Variants in CMIP observed in about 807,000 individuals in gnomAD.
CMIP encodes c-Maf inducing protein.
In CMIP, 13 loss-of-function variants were observed where a neutral mutation model predicts 97.3. The observed-to-expected ratio is 0.13, with a 90% CI of 0.09 to 0.21. CMIP has a LOEUF of 0.21. Among genes scored for constraint, CMIP ranks in the 10% least tolerant of loss-of-function variants. The probability of loss-of-function intolerance (pLI) is 1.00; values close to 1 mark genes in which losing one functional copy is unlikely to be tolerated. For synonymous variants in CMIP, 538 were observed against 436.3 expected (o/e 1.23, Z -2.91); for missense variants, 847 against 1,024.9 (o/e 0.83, Z 2.37).
At chr16:81,477,699 C>T (rs1908012554) in intron 1 of CMIP, among the ~76,000 whole-genome samples, 1 of 152,202 alleles carries the variant, frequency 6.6e-6, no homozygotes, top group African/African-American at 2.4e-5. Context: ...AATCTAGGGT[C>T]TAAGTCGTGT....
intron 1 of CMIP, among the ~76,000 whole-genome samples, chr16:81,500,077 T>C (rs2089568957): frequency 6.6e-6 from 1 of 152,102 alleles, no homozygotes; most frequent in African/African-American, 2.4e-5. Flanking sequence ...CAGCCACTCC[T>C]TGGTCTCTGC....
chr16:81,607,821 C>T, intron 2 of CMIP, 129 bp downstream of exon 2: 2 of 1,024,700 alleles, frequency 2.0e-6, no homozygotes, highest in Non-Finnish European at 1.4e-6. Flanking sequence ...TGATTTTATT[C>T]CCCAAGTATA....
intron 1 of CMIP, among the ~76,000 whole-genome samples, chr16:81,522,793 A>G (rs2090053572): frequency 6.6e-6 from 1 of 152,120 alleles, no homozygotes; most frequent in African/African-American, 2.4e-5. Flanking sequence ...TAATTACTTG[A>G]CATTCACCTC....
intron 1 of CMIP, among the ~76,000 whole-genome samples, chr16:81,466,756 C>T (rs1217527700): frequency 6.6e-6 from 1 of 152,178 alleles, no homozygotes; most frequent in Non-Finnish European, 1.5e-5. Context: ...AGCGCCGTTT[C>T]CCTGGGAGAC....
intron 1 of CMIP, among the ~76,000 whole-genome samples, chr16:81,537,158 C>T (rs1037819812): frequency 1.3e-5 from 2 of 152,178 alleles, no homozygotes. Context: ...CCCTGCTCAC[C>T]GTCCTGGCCG....
chr16:81,547,973 GC>G lies in CMIP; in HGVS notation c.301-59593del, dbSNP rs556027503. Among the ~76,000 whole-genome samples, 10 of 152,274 alleles carry G rather than the reference GC, an allele frequency of 6.6e-5. 1 individual carries two copies. In the South Asian group the frequency reaches 2.1e-3, roughly 32 times the overall value. On this transcript the variant is annotated intron_variant, in intron 1 of 20. Coordinates refer to ENST00000537098, the MANE Select transcript of CMIP (RefSeq NM_198390.3). ...GCCTCTGATCCCAGCCTCCTCTGCAGCACGCCGGCAATCATGTCATGCTGTA... is the reference window on the plus strand; with the variant it reads ...GCCTCTGATCCCAGCCTCCTCTGCAGACGCCGGCAATCATGTCATGCTGTA...
At chr16:81,610,263 C>T in intron 2 of CMIP, 2 of 972,496 alleles carry the variant, frequency 2.1e-6, no homozygotes, top group Non-Finnish European at 2.4e-6. Flanking sequence ...TGATGACTCG[C>T]CTGGCCGCCG....
At chr16:81,557,929 C>T (rs1027634545) in intron 1 of CMIP, among the ~76,000 whole-genome samples, 1 of 152,136 alleles carries the variant, frequency 6.6e-6, no homozygotes, top group Non-Finnish European at 1.5e-5. Flanking sequence ...AGACTCTGTC[C>T]CTGTTAAACA....
intron 3 of CMIP, among the ~76,000 whole-genome samples, chr16:81,642,323 C>G (rs1567628676): frequency 6.6e-6 from 1 of 152,188 alleles, no homozygotes; most frequent in Non-Finnish European, 1.5e-5. Context: ...CCCTGCCCCT[C>G]CATAGAGACA....
At position 81,693,242 on chromosome 16, in the gene CMIP, G is replaced by T. The variant is rs1334897056; in HGVS notation, c.1481+58G>T. ...TGGCACGCACGGCCTCTGTCCTGAG[G>T]TCTTCCCTCCGTGGCCCATGCATTC... On this transcript the variant is annotated intron_variant, in intron 12 of 20. Coordinates refer to ENST00000537098, the MANE Select transcript of CMIP (RefSeq NM_198390.3). 3 of 1,545,146 alleles carry T rather than the reference G, an allele frequency of 1.9e-6. No individual in the cohort carries two copies. The African/African-American group carries it at 4.1e-5, about 21-fold the overall frequency.
At chr16:81,495,323 G>T (rs771020289) in intron 1 of CMIP, 115 of 1,460,638 alleles carry the variant, frequency 7.9e-5, no homozygotes, top group Non-Finnish European at 1.0e-4. Context: ...CTGGTTCAGT[G>T]ATAAGCAGGA....
At chr16:81,457,852 G>A (rs576462102) in intron 1 of CMIP, among the ~76,000 whole-genome samples, 2 of 152,256 alleles carry the variant, frequency 1.3e-5, no homozygotes, top group African/African-American at 4.8e-5. Flanking sequence ...GGGGCCAAGA[G>A]CCGGTGGGCC....
At chr16:81,466,200 G>A (rs28540311) in intron 1 of CMIP, among the ~76,000 whole-genome samples, 45,404 of 151,962 alleles carry the variant, frequency 0.3, 7,547 homozygotes, top group East Asian at 0.65. Flanking sequence ...AGCTGGGCCT[G>A]CGGGTGTGTG....
At chr16:81,465,834 C>A (rs1337073825) in intron 1 of CMIP, among the ~76,000 whole-genome samples, 1 of 152,202 alleles carries the variant, frequency 6.6e-6, no homozygotes, top group East Asian at 1.9e-4. Context: ...CGCTCCAGAC[C>A]TTCGCTCAGG....
intron 17 of CMIP, among the ~76,000 whole-genome samples, chr16:81,703,018 G>A (rs1356999554): frequency 6.6e-6 from 1 of 152,110 alleles, no homozygotes; most frequent in Non-Finnish European, 1.5e-5. Context: ...GGAAGCTTGT[G>A]TATCTTACCA....
intron 1 of CMIP, among the ~76,000 whole-genome samples, chr16:81,525,982 GTGTGTGTGTGTGTGTGTGTGTGTGTC>G (rs2090124729): frequency 1.9e-4 from 1 of 5,312 alleles, no homozygotes; most frequent in Non-Finnish European, 4.0e-4. Context: ...TAATACGTGT[GTGTGTGTGTGTGTGTGTGTGTGTGTC>G]TGTGTGTGTG....
chr16:81,471,129 A>T (rs1907508107), intron 1 of CMIP, among the ~76,000 whole-genome samples: 1 of 152,262 alleles, frequency 6.6e-6, no homozygotes, highest in South Asian at 2.1e-4. Flanking sequence ...GTGCATATAC[A>T]CATATACATG....
chr16:81,605,961 T>C (rs888296697), intron 1 of CMIP, among the ~76,000 whole-genome samples: 1 of 152,216 alleles, frequency 6.6e-6, no homozygotes, highest in Non-Finnish European at 1.5e-5. Flanking sequence ...TAGCAATTGA[T>C]CACATCAGGG....
chr16:81,709,178 A>G (rs935237107), intron 20 of CMIP, among the ~76,000 whole-genome samples: 2 of 152,184 alleles, frequency 1.3e-5, no homozygotes, highest in Non-Finnish European at 2.9e-5. Flanking sequence ...AGTGGGAAGA[A>G]TCTAAGCCAA....
Sources: gnomAD v4.1 joint callset for allele counts (sites outside exome capture counted in the v4.1 genomes callset) on GRCh38, gnomAD v4.1.1 for gene constraint, MANE v1.5 for transcripts, NCBI Gene and HGNC (gene_info 2026-07-23, HGNC 2026-07-21) for gene names.